The following SDK1 variants were observed in gnomAD, a reference collection of about 807,000 sequenced individuals.
SDK1 encodes the protein protein sidekick-1.
SDK1 carries 157 observed loss-of-function variants against 245.5 expected under a neutral mutation model. The observed-to-expected ratio is 0.64, with a 90% CI of 0.56 to 0.73. SDK1 has a LOEUF of 0.73. Among genes scored for constraint, SDK1 ranks in the 30% least tolerant of loss-of-function variants. The pLI is 0.00. For synonymous variants in SDK1, 1,647 were observed against 1,278.5 expected (o/e 1.29, Z -6.15); for missense variants, 3,583 against 3,002.3 (o/e 1.19, Z -4.52).
chr7:3,303,282 A>G (rs1247887823), intron 1 of SDK1, among the ~76,000 whole-genome samples: 1 of 152,236 alleles, frequency 6.6e-6, no homozygotes, highest in Non-Finnish European at 1.5e-5. Context: ...TCAAGTGAAG[A>G]AATCTAAATC....
At chr7:3,842,299 G>T (rs558760850) in intron 5 of SDK1, among the ~76,000 whole-genome samples, 1 of 152,134 alleles carries the variant, frequency 6.6e-6, no homozygotes, top group Admixed American at 6.5e-5. Flanking sequence ...CCTGCATCCC[G>T]GGAGATGATG....
At chr7:4,083,973 A>C (rs984702475) in intron 22 of SDK1, among the ~76,000 whole-genome samples, 1 of 152,016 alleles carries the variant, frequency 6.6e-6, no homozygotes, top group African/African-American at 2.4e-5. Flanking sequence ...CTACCTTGTG[A>C]ATTTCTCCAT....
intron 5 of SDK1, among the ~76,000 whole-genome samples, chr7:3,947,697 T>C (rs1477010807): frequency 6.6e-6 from 1 of 151,412 alleles, no homozygotes; most frequent in East Asian, 1.9e-4. Context: ...TACACATATA[T>C]ATTTATATAT....
At chr7:4,123,995 G>A (rs748237153) in intron 25 of SDK1, among the ~76,000 whole-genome samples, 70 of 152,224 alleles carry the variant, frequency 4.6e-4, no homozygotes, top group Non-Finnish European at 4.4e-4. Context: ...ACAGGGTGTG[G>A]TGAGGGTTGC....
intron 17 of SDK1, among the ~76,000 whole-genome samples, chr7:4,018,429 A>C (rs1372677943): frequency 6.6e-6 from 1 of 152,236 alleles, no homozygotes; most frequent in Non-Finnish European, 1.5e-5. Flanking sequence ...TTCTGCCTGC[A>C]CAGCGACTAG....
At chr7:3,329,454 C>T (rs910699124) in intron 1 of SDK1, among the ~76,000 whole-genome samples, 2 of 152,130 alleles carry the variant, frequency 1.3e-5, no homozygotes, top group Admixed American at 1.3e-4. Context: ...CAGAGTTGTG[C>T]AACTCTCAGT....
intron 4 of SDK1, among the ~76,000 whole-genome samples, chr7:3,783,250 A>G (rs1291586291): frequency 6.6e-6 from 1 of 152,220 alleles, no homozygotes; most frequent in African/African-American, 2.4e-5. Flanking sequence ...GAATCCCACA[A>G]TTAAAATTAT....
chr7:3,480,584 C>G (rs1781489107), intron 1 of SDK1, among the ~76,000 whole-genome samples: 1 of 152,238 alleles, frequency 6.6e-6, no homozygotes, highest in Non-Finnish European at 1.5e-5. Context: ...AGAGCTTTGT[C>G]TCAAGACAGC....
chr7:3,346,312 G>T (rs189816340), intron 1 of SDK1, among the ~76,000 whole-genome samples: 3 of 152,068 alleles, frequency 2.0e-5, no homozygotes, highest in African/African-American at 7.2e-5. Context: ...TCACTGAGAG[G>T]TGTCACCTGG....
chr7:3,920,186 C>T (rs548659994), intron 5 of SDK1, among the ~76,000 whole-genome samples: 43 of 152,278 alleles, frequency 2.8e-4, no homozygotes, highest in African/African-American at 8.9e-4. Context: ...GGGAAGATCA[C>T]GCTGTGCATC....
chr7:3,960,679 G>A (rs1037981012), intron 8 of SDK1, among the ~76,000 whole-genome samples: 3 of 152,126 alleles, frequency 2.0e-5, no homozygotes, highest in Admixed American at 6.5e-5. Flanking sequence ...AGCTCACAGC[G>A]GCTGCTGTCC....
chr7:3,358,921 G>C (rs975860757), intron 1 of SDK1, among the ~76,000 whole-genome samples: 1 of 152,118 alleles, frequency 6.6e-6, no homozygotes, highest in African/African-American at 2.4e-5. Context: ...CATTTCTAGG[G>C]CATGGTTTAG....
chr7:3,833,524 T>C (rs17133908), intron 5 of SDK1, among the ~76,000 whole-genome samples: 11,112 of 152,224 alleles, frequency 0.073, 1,311 homozygotes, highest in African/African-American at 0.25. Context: ...AGAAATGGAA[T>C]TTATATCAGA....
chr7:4,081,061 GGTCTTTGGTGTCTGAC>G (rs1181649243), intron 22 of SDK1, among the ~76,000 whole-genome samples: 1 of 152,190 alleles, frequency 6.6e-6, no homozygotes, highest in Non-Finnish European at 1.5e-5. Flanking sequence ...CACGCGCTGT[GGTCTTTGGTGTCTGAC>G]GATGCCGCAT....
chr7:3,542,372 A>G (rs1779077535), intron 1 of SDK1, among the ~76,000 whole-genome samples: 1 of 152,138 alleles, frequency 6.6e-6, no homozygotes, highest in African/African-American at 2.4e-5. Flanking sequence ...TGTGCCTTGT[A>G]GCGATTTGGG....
chr7:4,127,340 C>A, intron 25 of SDK1, 41 bp from the exon 26 acceptor site: 1 of 1,449,226 alleles, frequency 6.9e-7, no homozygotes, highest in South Asian at 1.1e-5. Flanking sequence ...TGTAGACACT[C>A]TAGATTTTGG....
intron 38 of SDK1, among the ~76,000 whole-genome samples, chr7:4,215,374 G>C (rs1784737652): frequency 6.6e-6 from 1 of 152,240 alleles, no homozygotes; most frequent in South Asian, 2.1e-4. Context: ...CTCTGCGCTG[G>C]GCCACGGGAT....
At position 3,551,800 on chromosome 7, in the gene SDK1, C is replaced by T. The variant is rs560358937; in HGVS notation, c.299-67280C>T. On this transcript the variant is annotated intron_variant, in intron 1 of 44. Coordinates refer to ENST00000404826, the MANE Select transcript of SDK1 (RefSeq NM_152744.4). The stretch of plus-strand genomic sequence containing the variant: ...GAGCAGTGTTTCCACCCTGGCCTCC[C>T]GAAGAGTTGAGATTACAGGCATGAG... 3.9e-5 allele frequency among the ~76,000 whole-genome samples: 6 copies of T among 151,982 alleles called. No individual in the cohort carries two copies. The East Asian group carries it at 5.8e-4, about 15-fold the overall frequency.
intron 1 of SDK1, among the ~76,000 whole-genome samples, chr7:3,344,829 A>G (rs368557463): frequency 6.6e-6 from 1 of 152,210 alleles, no homozygotes; most frequent in East Asian, 1.9e-4. Flanking sequence ...TCCTAAATTC[A>G]GAAAATGATG....
Sources: gnomAD v4.1 joint callset for allele counts (sites outside exome capture counted in the v4.1 genomes callset) on GRCh38, gnomAD v4.1.1 for gene constraint, MANE v1.5 for transcripts, NCBI Gene and HGNC (gene_info 2026-07-23, HGNC 2026-07-21) for gene names.